CNR2: variants seen among roughly 807,000 people sequenced by gnomAD.
CNR2 encodes cannabinoid receptor 2 (macrophage).
For synonymous variants in CNR2, 172 were observed against 182.2 expected (o/e 0.94, Z 0.45); for missense variants, 379 against 439.9 (o/e 0.86, Z 1.24).
chr1:23,890,292 A>C (rs1274291983), intron 1 of CNR2, among the ~76,000 whole-genome samples: 1 of 151,492 alleles, frequency 6.6e-6, no homozygotes, highest in African/African-American at 2.4e-5. Context: ...AAAGAAAAGA[A>C]GAAGAAGAAA....
At chr1:23,877,602 A>T (rs1044200209) in intron 1 of CNR2, among the ~76,000 whole-genome samples, 4 of 151,960 alleles carry the variant, frequency 2.6e-5, no homozygotes, top group East Asian at 1.9e-4. Flanking sequence ...AGATGGCGCC[A>T]CTGCACTCCA....
chr1:23,886,639 A>G (rs1361129233), intron 1 of CNR2, among the ~76,000 whole-genome samples: 1 of 152,128 alleles, frequency 6.6e-6, no homozygotes, highest in African/African-American at 2.4e-5. Flanking sequence ...TCATATCACT[A>G]TGTCCTTTCT....
intron 1 of CNR2, among the ~76,000 whole-genome samples, chr1:23,878,804 C>A (rs1483002805): frequency 3.9e-5 from 6 of 152,060 alleles, no homozygotes; most frequent in Admixed American, 6.6e-5. Flanking sequence ...TGTAAGAGAA[C>A]CATAATTAAT....
rs766274704 is a variant in CNR2, at chr1:23,874,886, G to C, written c.732C>G (p.Ala244=). Reference sequence around the variant, plus strand: ...CAGCCAACACTAGCCCTAGGGTCTTGGCCAACCTCACATCCAGCCTCATTC... The same window carrying C: ...CAGCCAACACTAGCCCTAGGGTCTTCGCCAACCTCACATCCAGCCTCATTC... The part of the protein sequence containing the change: ...MARMRLDVRL[A]KTLGLVLAVL... The change falls in exon 2 of 2, where the codon GCC becomes GCG. Residue 244 remains alanine, a synonymous_variant. Coordinates refer to ENST00000374472, the MANE Select transcript of CNR2 (RefSeq NM_001841.3). The C allele has an allele frequency of 6.2e-7, 1 of 1,614,114 alleles. No individual in the cohort carries two copies. The highest frequency in any genetic ancestry group is 2.2e-5 in the East Asian group (1 of 44,876).
chr1:23,900,886 A>G (rs1169622170), intron 1 of CNR2, among the ~76,000 whole-genome samples: 2 of 152,038 alleles, frequency 1.3e-5, no homozygotes, highest in Non-Finnish European at 2.9e-5. Flanking sequence ...ATTGTCCTTA[A>G]AATCTCTGAT....
chr1:23,900,833 C>T (rs1640387043), intron 1 of CNR2, among the ~76,000 whole-genome samples: 1 of 152,028 alleles, frequency 6.6e-6, no homozygotes, highest in African/African-American at 2.4e-5. Flanking sequence ...ATCCTTCCCA[C>T]CTTGGACCAT....
At chr1:23,886,371 C>A (rs950876212) in intron 1 of CNR2, among the ~76,000 whole-genome samples, 1 of 152,116 alleles carries the variant, frequency 6.6e-6, no homozygotes, top group Non-Finnish European at 1.5e-5. Flanking sequence ...GCTCTGACTC[C>A]GAAAGGGATT....
At chr1:23,878,433 C>G (rs1413905054) in intron 1 of CNR2, among the ~76,000 whole-genome samples, 1 of 122,186 alleles carries the variant, frequency 8.2e-6, no homozygotes, top group Non-Finnish European at 1.7e-5. Context: ...TCACAGGGAA[C>G]CCAAAGCAGA....
chr1:23,881,229 T>C (rs898419383), intron 1 of CNR2, among the ~76,000 whole-genome samples: 1 of 151,574 alleles, frequency 6.6e-6, no homozygotes, highest in Non-Finnish European at 1.5e-5. Flanking sequence ...TGAGCCAAAA[T>C]CACACCATTG....
chr1:23,912,117 C>G (rs1030851283), intron 1 of CNR2, among the ~76,000 whole-genome samples: 5 of 152,160 alleles, frequency 3.3e-5, no homozygotes, highest in Admixed American at 6.6e-5. Flanking sequence ...CTGTGAGTGA[C>G]CTTCTCAGGC....
At chr1:23,908,611 T>C (rs1640537345) in intron 1 of CNR2, among the ~76,000 whole-genome samples, 1 of 152,082 alleles carries the variant, frequency 6.6e-6, no homozygotes, top group Non-Finnish European at 1.5e-5. Flanking sequence ...CAGACTTGGG[T>C]TTGACTCCTG....
At chr1:23,880,420 C>T (rs992789827) in intron 1 of CNR2, among the ~76,000 whole-genome samples, 4 of 152,036 alleles carry the variant, frequency 2.6e-5, no homozygotes, top group Non-Finnish European at 4.4e-5. Context: ...GTGATCTGCC[C>T]GCCTTAGCCT....
chr1:23,887,341 G>C (rs890915021), intron 1 of CNR2, among the ~76,000 whole-genome samples: 4 of 152,154 alleles, frequency 2.6e-5, no homozygotes. Flanking sequence ...GCCACCCAGG[G>C]ACTCTCTTCC....
At chr1:23,902,333 G>C (rs928478493) in intron 1 of CNR2, 15 of 1,564,806 alleles carry the variant, frequency 9.6e-6, no homozygotes, top group Non-Finnish European at 1.3e-5. Flanking sequence ...GGGTCAGGTC[G>C]GGCTCCTCAA....
At chr1:23,910,718 A>G (rs987847852) in intron 1 of CNR2, among the ~76,000 whole-genome samples, 5 of 151,896 alleles carry the variant, frequency 3.3e-5, no homozygotes, top group Non-Finnish European at 5.9e-5. Flanking sequence ...AAAACAAAAA[A>G]CAAAAAACAA....
chr1:23,898,382 C>A (rs1438202231), intron 1 of CNR2, among the ~76,000 whole-genome samples: 1 of 126,536 alleles, frequency 7.9e-6, no homozygotes, highest in African/African-American at 3.1e-5. Flanking sequence ...TGTTCTGTTG[C>A]CCAGGCTGGA....
At chr1:23,902,410 CG>C in intron 1 of CNR2, 1 of 1,587,754 alleles carries the variant, frequency 6.3e-7, no homozygotes, top group South Asian at 1.1e-5. Context: ...AGAAAGTTGA[CG>C]CAGGCTTTTG....
chr1:23,875,277 G>A lies in CNR2; in HGVS notation c.341C>T (p.Thr114Ile). 6.2e-7 allele frequency: 1 copy of A among 1,614,210 alleles called. No individual in the cohort carries two copies. Reference sequence around the variant, plus strand: ...ACCCACAGAGGCTGTGAAGGTCATAGTCACGCTGCCAATCTTCAGCAGGAA... The same window carrying A: ...ACCCACAGAGGCTGTGAAGGTCATAATCACGCTGCCAATCTTCAGCAGGAA... ...AVFLLKIGSV[T>I]MTFTASVGSL... The change falls in exon 2 of 2, where the codon ACT becomes ATT. Residue 114 changes from threonine to isoleucine, a missense_variant. Transcript: ENST00000374472.
chr1:23,875,520 T>G lies in CNR2; in HGVS notation c.98A>C (p.Lys33Thr). The change falls in exon 2 of 2, where the codon AAG becomes ACG. Residue 33 changes from lysine to threonine, a missense_variant. Transcript: ENST00000374472. ...AGTGCACAACACAGCAACAGCTGTC[T>G]TCTGGGGACCACTCAGGATCATGTA... ...KDYMILSGPQ[K>T]TAVAVLCTLL... is the part of the protein sequence containing the mutation. 6.2e-7 allele frequency: 1 copy of G among 1,614,128 alleles called. No homozygotes were observed. Among genetic ancestry groups the G allele is most frequent in the Non-Finnish European group, 8.5e-7 (1 of 1,180,030 alleles).
Sources: allele counts gnomAD v4.1 joint callset (sites outside exome capture counted in the v4.1 genomes callset), GRCh38; gene constraint gnomAD v4.1.1; transcripts MANE v1.5; gene names NCBI Gene and HGNC (gene_info 2026-07-23, HGNC 2026-07-21).